ZDHHC13: variants seen among roughly 807,000 people sequenced by gnomAD.
The protein encoded by ZDHHC13 is zDHHC palmitoyltransferase 13, also known as palmitoyltransferase ZDHHC13.
Under a neutral mutation model 86.0 loss-of-function variants are expected in ZDHHC13, and 85 were observed. The ratio of observed to expected loss-of-function variants is 0.99; its 90% CI spans 0.83 to 1.18. The LOEUF (loss-of-function observed/expected upper bound fraction) is 1.18. ZDHHC13 is among the 50% of genes most tolerant of loss of function. ZDHHC13 has a pLI of 0.00. For missense variants in ZDHHC13, 711 were observed against 730.2 expected, an observed-to-expected ratio of 0.97 and a Z score of 0.30; for synonymous variants, 263 against 246.4, an observed-to-expected ratio of 1.07 and a Z score of -0.63.
intron 15 of ZDHHC13, among the ~76,000 whole-genome samples, chr11:19,171,794 G>C (rs796475948): frequency 5.3e-5 from 8 of 152,264 alleles, no homozygotes; most frequent in African/African-American, 1.7e-4. Flanking sequence ...CAAAGTTTCA[G>C]ATAATTTTCA....
chr11:19,120,102 A>G (rs1340987804), intron 1 of ZDHHC13, among the ~76,000 whole-genome samples: 3 of 152,258 alleles, frequency 2.0e-5, no homozygotes, highest in Non-Finnish European at 2.9e-5. Context: ...TCTCTGTGTG[A>G]GAAGTATTAC....
At chr11:19,173,681 C>G (rs1056136458) in intron 16 of ZDHHC13, among the ~76,000 whole-genome samples, 26 of 152,118 alleles carry the variant, frequency 1.7e-4, no homozygotes, top group African/African-American at 6.3e-4. Context: ...TGGAAAGGAG[C>G]GTAAACTTGT....
chr11:19,117,155 A>T, upstream of ZDHHC13: 1 of 1,373,498 alleles, frequency 7.3e-7, no homozygotes. The surrounding 1 kb of genome is among the most constrained non-coding windows in gnomAD (Gnocchi z 4.2). Context: ...GGGCGCCAGC[A>T]GGAAGTGGGA....
chr11:19,166,260 G>A (rs1418950481), intron 13 of ZDHHC13, 42 bp from the exon 14 acceptor site: 2 of 1,528,432 alleles, frequency 1.3e-6, no homozygotes, highest in Non-Finnish European at 1.8e-6. Context: ...AAAATCAGAA[G>A]AAACGAAAAT....
chr11:19,155,697 T>G (rs1372951748), intron 8 of ZDHHC13, 99 bp from the exon 9 acceptor site: 1 of 1,286,270 alleles, frequency 7.8e-7, no homozygotes, highest in Non-Finnish European at 1.0e-6. Context: ...TTGTATTAAT[T>G]GTTATTATAT....
In ZDHHC13 at chr11:19,135,455, G is replaced by A. The variant is rs568650799; in HGVS notation, c.28-7523G>A. Among the ~76,000 whole-genome samples the A allele has an allele frequency of 4.6e-5, 7 of 152,362 alleles. 2 individuals carry two copies. The highest frequency in any genetic ancestry group is 1.7e-4 in the African/African-American group (7 of 41,596). ...GGAGTCTCGCTGGATTGCTAGCACA[G>A]CAGTCTGAGATCAAACTGCAAGGCG... On this transcript the variant is annotated intron_variant, in intron 1 of 16. Coordinates refer to ENST00000446113, the MANE Select transcript of ZDHHC13 (RefSeq NM_019028.3).
Position 19,149,222 on chromosome 11 carries a change from A to G in ZDHHC13, c.410A>G (p.Gln137Arg). 1.2e-6 allele frequency: 2 copies of G among 1,601,428 alleles called. No homozygotes were observed. Among genetic ancestry groups the G allele is most frequent in the Non-Finnish European group, 1.7e-6 (2 of 1,172,470 alleles). ...TTACCTATGGTCATATTATTACTCCAGCATGGTGCAGACCCCACTCTTATT... is the reference window on the plus strand; with the variant it reads ...TTACCTATGGTCATATTATTACTCCGGCATGGTGCAGACCCCACTCTTATT... ...GHLPMVILLL[Q>R]HGADPTLIDG... Residue 137 changes from glutamine (Q) to arginine (R), a missense_variant, in exon 5 of 17, where the codon CAG (glutamine) becomes CGG (arginine). Transcript: ENST00000446113.
chr11:19,130,929 T>C (rs1032206997), intron 1 of ZDHHC13, among the ~76,000 whole-genome samples: 1 of 149,892 alleles, frequency 6.7e-6, no homozygotes, highest in Non-Finnish European at 1.5e-5. Flanking sequence ...CACTGCAACC[T>C]CCGCCTCCTG....
chr11:19,134,788 A>G (rs1464314692), intron 1 of ZDHHC13, among the ~76,000 whole-genome samples: 1 of 152,182 alleles, frequency 6.6e-6, no homozygotes, highest in Non-Finnish European at 1.5e-5. Context: ...GCAAACCACC[A>G]TGGCACATGT....
At chr11:19,149,046 A>T in intron 4 of ZDHHC13, 141 bp from the exon 5 acceptor site, 2 of 696,552 alleles carry the variant, frequency 2.9e-6, no homozygotes, top group Non-Finnish European at 4.2e-6. Flanking sequence ...TTGGACAATC[A>T]CCATTGTTTC....
chr11:19,156,057 C>T, intron 9 of ZDHHC13, 128 bp downstream of exon 9: 2 of 1,177,434 alleles, frequency 1.7e-6, no homozygotes, highest in Non-Finnish European at 2.3e-6. Context: ...TAACAGCATC[C>T]TGCGGGTGGA....
chr11:19,131,930 G>A (rs150198967), intron 1 of ZDHHC13, among the ~76,000 whole-genome samples: 6 of 152,262 alleles, frequency 3.9e-5, no homozygotes, highest in African/African-American at 1.4e-4. Flanking sequence ...ACTTTTATCC[G>A]CAGATACTCT....
At chr11:19,137,596 C>G (rs1326815947) in intron 1 of ZDHHC13, among the ~76,000 whole-genome samples, 1 of 152,056 alleles carries the variant, frequency 6.6e-6, no homozygotes. Context: ...CTCTCCACCC[C>G]AAATCAACAG....
rs1230337502 is a variant in ZDHHC13 at position 19,149,344 on chromosome 11, A to G, written c.519+13A>G. On this transcript the variant is annotated intron_variant, in intron 5 of 16. Coordinates refer to ENST00000446113, the MANE Select transcript of ZDHHC13 (RefSeq NM_019028.3). ...CTCAAAGGGACAGGTATGTTCTGAA[A>G]TGTGTCTTATACTCCAGTTTTTATC... The G allele has an allele frequency of 1.3e-6, 2 of 1,563,498 alleles. No homozygotes were observed. Among genetic ancestry groups the G allele is most frequent in the Non-Finnish European group, 8.7e-7 (1 of 1,148,552 alleles).
intron 1 of ZDHHC13, chr11:19,118,881 A>C (rs1021547419): frequency 2.6e-5 from 4 of 152,236 alleles, no homozygotes; most frequent in Non-Finnish European, 5.9e-5. Flanking sequence ...ACTTGCTACA[A>C]GTCAAATAGC....
chr11:19,138,863 AC>A (rs1160589616), intron 1 of ZDHHC13, among the ~76,000 whole-genome samples: 3 of 151,982 alleles, frequency 2.0e-5, no homozygotes, highest in South Asian at 2.1e-4. Flanking sequence ...AAATTCAACA[AC>A]CCTTCATGCT....
intron 1 of ZDHHC13, among the ~76,000 whole-genome samples, chr11:19,127,603 A>G (rs956476300): frequency 2.0e-5 from 3 of 151,828 alleles, no homozygotes; most frequent in African/African-American, 7.3e-5. Context: ...TAAATCTTTG[A>G]TCTATCTTGA....
chr11:19,145,750 T>C (rs184653409), intron 2 of ZDHHC13, among the ~76,000 whole-genome samples: 2 of 152,340 alleles, frequency 1.3e-5, no homozygotes, highest in South Asian at 2.1e-4. Flanking sequence ...CCTATATTCT[T>C]TCCATATTTC....
rs114322423 is a variant in ZDHHC13, at chr11:19,145,612, A to G, written c.174-569A>G. 5.7e-3 allele frequency among the ~76,000 whole-genome samples: 869 copies of G among 152,310 alleles called. 12 individuals are homozygous for G. Among genetic ancestry groups the G allele is most frequent in the African/African-American group, 0.02 (816 of 41,558 alleles). On this transcript the variant is annotated intron_variant, in intron 2 of 16. Transcript: ENST00000446113. ...ATTGCTTTTATTTCTCTGAACATCC[A>G]TGTAGTTTCACATTGCTGATTTTTG...
Sources: allele counts gnomAD v4.1 joint callset (sites outside exome capture counted in the v4.1 genomes callset), GRCh38; gene constraint gnomAD v4.1.1; non-coding constraint Gnocchi (gnomAD v3.1); transcripts MANE v1.5; gene names NCBI Gene and HGNC (gene_info 2026-07-23, HGNC 2026-07-21).